Variants in RIMS2 observed in about 807,000 individuals in gnomAD.
RIMS2 encodes the protein regulating synaptic membrane exocytosis protein 2.
Under a neutral mutation model 174.4 loss-of-function variants are expected in RIMS2, and 59 were observed. That is an observed-to-expected ratio of 0.34 (90% CI 0.27 to 0.42). RIMS2 has a LOEUF of 0.42. RIMS2 is among the 10% of genes least tolerant of loss of function. The probability of loss-of-function intolerance (pLI) is 1.00; values close to 1 mark genes in which losing one functional copy is unlikely to be tolerated. For synonymous variants in RIMS2, 606 were observed against 572.5 expected, an observed-to-expected ratio of 1.06 and a Z score of -0.84; for missense variants, 1,620 against 1,666.3, an observed-to-expected ratio of 0.97 and a Z score of 0.48.
chr8:103,802,387 T>C (rs2098616871), intron 3 of RIMS2, among the ~76,000 whole-genome samples: 1 of 152,104 alleles, frequency 6.6e-6, no homozygotes, highest in African/African-American at 2.4e-5. Context: ...TTGCCTCTAG[T>C]TGGGCTTTTA....
intron 19 of RIMS2, among the ~76,000 whole-genome samples, chr8:104,066,791 AT>A (rs2097112902): frequency 6.6e-6 from 1 of 152,124 alleles, no homozygotes; most frequent in Non-Finnish European, 1.5e-5. Flanking sequence ...TAAGGAAGAA[AT>A]TGTCTCACTT....
chr8:104,089,587 G>A (rs1220635461), intron 19 of RIMS2, among the ~76,000 whole-genome samples: 1 of 151,710 alleles, frequency 6.6e-6, no homozygotes, highest in African/African-American at 2.4e-5. Context: ...AAAAGCATAT[G>A]TCTATTTGTA....
chr8:103,555,028 T>C (rs1210859244), intron 1 of RIMS2, among the ~76,000 whole-genome samples: 2 of 152,088 alleles, frequency 1.3e-5, no homozygotes, highest in African/African-American at 4.8e-5. Flanking sequence ...CAGGGCCTAC[T>C]TGAGCATGGA....
intron 19 of RIMS2, among the ~76,000 whole-genome samples, chr8:104,138,053 T>G (rs184959830): frequency 8.2e-4 from 125 of 152,342 alleles, no homozygotes; most frequent in African/African-American, 2.9e-3. Flanking sequence ...AGTTTGTCTT[T>G]CTGTGGCTGG....
intron 12 of RIMS2, among the ~76,000 whole-genome samples, 197 bp from the exon 15 acceptor site, chr8:103,936,354 G>T (rs951120779): frequency 1.3e-5 from 2 of 152,008 alleles, no homozygotes; most frequent in African/African-American, 4.8e-5. Flanking sequence ...TGCTATTATT[G>T]TCATACCTAT....
At chr8:104,069,572 G>A (rs1485069904) in intron 19 of RIMS2, among the ~76,000 whole-genome samples, 2 of 147,552 alleles carry the variant, frequency 1.4e-5, no homozygotes, top group African/African-American at 5.0e-5. Flanking sequence ...GGGTTCAAGC[G>A]ATTCTCCTGC....
intron 2 of RIMS2, among the ~76,000 whole-genome samples, chr8:103,705,545 G>A (rs939670645): frequency 6.6e-6 from 1 of 151,972 alleles, no homozygotes; most frequent in Admixed American, 6.6e-5. Context: ...TAAGAGCGGG[G>A]TGTTGATATT....
intron 1 of RIMS2, among the ~76,000 whole-genome samples, chr8:103,626,164 A>T (rs888131425): frequency 5.9e-5 from 9 of 152,114 alleles, no homozygotes; most frequent in Non-Finnish European, 1.3e-4. Context: ...ATATATGTTA[A>T]CTGTCATGAG....
At chr8:103,781,197 G>A (rs1408504017) in intron 3 of RIMS2, among the ~76,000 whole-genome samples, 1 of 152,184 alleles carries the variant, frequency 6.6e-6, no homozygotes, top group African/African-American at 2.4e-5. Flanking sequence ...TGTAGAAACT[G>A]TGAGTTGGGG....
intron 3 of RIMS2, among the ~76,000 whole-genome samples, chr8:103,767,278 C>T (rs1010680131): frequency 6.6e-6 from 1 of 151,620 alleles, no homozygotes; most frequent in African/African-American, 2.4e-5. Flanking sequence ...ATCCCTGCTT[C>T]CCAGGTTCAA....
intron 19 of RIMS2, among the ~76,000 whole-genome samples, chr8:104,065,001 A>G (rs189815563): frequency 2.6e-5 from 4 of 152,232 alleles, no homozygotes; most frequent in African/African-American, 9.6e-5. Flanking sequence ...TTAATCTTAG[A>G]GATTCCTAGA....
At chr8:103,669,820 C>A (rs2096722716) in intron 1 of RIMS2, among the ~76,000 whole-genome samples, 1 of 152,248 alleles carries the variant, frequency 6.6e-6, no homozygotes, top group Admixed American at 6.5e-5. Flanking sequence ...CTTTCATGGG[C>A]TGGCACTGAG....
At chr8:104,025,381 G>A (rs1379218796) in intron 19 of RIMS2, among the ~76,000 whole-genome samples, 5 of 152,076 alleles carry the variant, frequency 3.3e-5, no homozygotes, top group African/African-American at 1.2e-4. Context: ...CCAGCTACTT[G>A]GGAGCTTGAG....
chr8:103,514,751 A>G (rs1828138649), intron 1 of RIMS2, among the ~76,000 whole-genome samples: 1 of 152,098 alleles, frequency 6.6e-6, no homozygotes, highest in African/African-American at 2.4e-5. Flanking sequence ...TGCAGAGAAG[A>G]ACTTCATTTT....
intron 1 of RIMS2, among the ~76,000 whole-genome samples, chr8:103,546,622 ACAAT>A (rs1157307511): frequency 6.6e-6 from 1 of 152,220 alleles, no homozygotes; most frequent in African/African-American, 2.4e-5. Context: ...AATTGACCAC[ACAAT>A]CAGTCATAAA....
chr8:104,137,937 A>G (rs1276929820), intron 19 of RIMS2, among the ~76,000 whole-genome samples: 1 of 152,012 alleles, frequency 6.6e-6, no homozygotes, highest in Admixed American at 6.6e-5. Flanking sequence ...CCCACCTGCC[A>G]CCGCCACTAC....
At chr8:103,836,245 A>G (rs1478420110) in intron 3 of RIMS2, among the ~76,000 whole-genome samples, 1 of 152,206 alleles carries the variant, frequency 6.6e-6, no homozygotes, top group Non-Finnish European at 1.5e-5. Flanking sequence ...ATTTATAATC[A>G]TGGCTGATCT....
At chr8:103,949,144 AAAAGGGAAAGGG>A (rs1226140523) in intron 14 of RIMS2, among the ~76,000 whole-genome samples, 11,755 of 136,092 alleles carry the variant, frequency 0.086, 1,028 homozygotes, top group Non-Finnish European at 0.14. Context: ...AAAAAAAAAA[AAAAGGGAAAGGG>A]AAAGGGAAAG....
At chr8:104,179,798 TA>T (rs2098929441) in intron 19 of RIMS2, among the ~76,000 whole-genome samples, 1 of 151,812 alleles carries the variant, frequency 6.6e-6, no homozygotes, top group South Asian at 2.1e-4. Context: ...CTTTTATTTT[TA>T]AAAAGTCAAA....
Sources: allele counts gnomAD v4.1 joint callset (sites outside exome capture counted in the v4.1 genomes callset), GRCh38; gene constraint gnomAD v4.1.1; transcripts MANE v1.5; gene names NCBI Gene and HGNC (gene_info 2026-07-23, HGNC 2026-07-21).